Variants in FKBP15 observed in about 807,000 individuals in gnomAD.
The protein encoded by FKBP15 is FK506-binding protein 15.
Under a neutral mutation model 158.1 loss-of-function variants are expected in FKBP15, and 106 were observed. That is an observed-to-expected ratio of 0.67 (90% CI 0.57 to 0.79). The LOEUF is 0.79. FKBP15 is among the 30% of genes least tolerant of loss of function. The probability of loss-of-function intolerance (pLI) is 0.00; values close to 1 mark genes in which losing one functional copy is unlikely to be tolerated. For missense variants in FKBP15, 1,287 were observed against 1,479.1 expected (o/e 0.87, Z 2.13); for synonymous variants, 547 against 548.6 (o/e 1.00, Z 0.04).
intron 23 of FKBP15, among the ~76,000 whole-genome samples, chr9:113,172,716 C>T (rs370341649): frequency 3.3e-5 from 5 of 152,202 alleles, no homozygotes; most frequent in Non-Finnish European, 7.3e-5. Context: ...TAGGTAATAA[C>T]TAGTCATTTA....
chr9:113,199,802 G>C lies in FKBP15; in HGVS notation c.648+12C>G, dbSNP rs1408879751. 6.2e-7 allele frequency: 1 copy of C among 1,608,398 alleles called. No individual in the cohort carries two copies. The highest frequency in any genetic ancestry group is 8.5e-7 in the Non-Finnish European group (1 of 1,177,390). ...AAGTTTACAAAAGAACTTGCAGGGT[G>C]CATTTTCTTACCTGGCCCAGCACAT... On this transcript the variant is annotated intron_variant, in intron 7 of 27. Transcript: ENST00000238256.
intron 2 of FKBP15, among the ~76,000 whole-genome samples, chr9:113,208,079 C>T (rs78786847): frequency 0.33 from 50,681 of 152,098 alleles, 8,699 homozygotes; most frequent in African/African-American, 0.38. Context: ...CGCAGTGGCT[C>T]GTGCCTGTAA....
chr9:113,221,231 C>T lies in FKBP15; in HGVS notation c.13G>A (p.Gly5Arg), dbSNP rs1364812936. The change falls in exon 1 of 28, where the codon GGG becomes AGG. Residue 5 changes from glycine to arginine, a missense_variant. Transcript: ENST00000238256. MFGA[G>R]DEDDTDFLSP... ...AGGAAATCGGTGTCGTCCTCGTCCC[C>T]CGCACCGAACATTGCGTTGGCTTTC... is the stretch of plus-strand genomic sequence containing the variant. The T allele has an allele frequency of 1.2e-6, 2 of 1,608,470 alleles. No homozygotes were observed. Among genetic ancestry groups the T allele is most frequent in the East Asian group, 4.5e-5 (2 of 44,594 alleles).
intron 1 of FKBP15, among the ~76,000 whole-genome samples, chr9:113,218,332 C>T (rs1261966398): frequency 2.1e-5 from 3 of 145,746 alleles, no homozygotes; most frequent in Non-Finnish European, 4.5e-5. Flanking sequence ...ATTTGTAAAA[C>T]GGATATAATA....
At position 113,184,886 on chromosome 9, in the gene FKBP15, T is replaced by A; in HGVS notation, c.1499-82A>T. The A allele has an allele frequency of 9.2e-7, 1 of 1,082,200 alleles. No individual in the cohort carries two copies. Among genetic ancestry groups the A allele is most frequent in the Non-Finnish European group, 1.3e-6 (1 of 741,222 alleles). 67.0% of individuals were successfully genotyped at this position (1,082,200 alleles called of 1,614,324 possible). On this transcript the variant is annotated intron_variant, in intron 15 of 27. Coordinates refer to ENST00000238256, the MANE Select transcript of FKBP15 (RefSeq NM_015258.2). This position sits in a 1 kb window ranked among gnomAD's most constrained non-coding sequence, Gnocchi z 4.5. ...GAAGAAAAGCTAGTAGCTCTTCCAG[T>A]AAAGAAAGAAATTAATACTTCCATA...
In FKBP15 at chr9:113,176,582, C is replaced by G. The variant is rs1564155551; in HGVS notation, c.2178G>C (p.Glu726Asp). The G allele has an allele frequency of 6.4e-7, 1 of 1,572,250 alleles. No individual in the cohort carries two copies. The highest frequency in any genetic ancestry group is 8.6e-7 in the Non-Finnish European group (1 of 1,156,232). ...KQLELKVTSL[E>D]EELTDLRVEK... ...CAACTCGAAGGTCAGTCAGTTCCTC[C>G]TCCAGGGATGTCACCTTGAGTTCCA... Residue 726 changes from glutamate to aspartate, a missense_variant, in exon 21 of 28, where the codon GAG becomes GAC. By Grantham distance (45) the Glu-to-Asp change is conservative. Coordinates refer to ENST00000238256, the MANE Select transcript of FKBP15 (RefSeq NM_015258.2).
In FKBP15 at chr9:113,162,680, G is replaced by A; in HGVS notation, c.*3398C>T. The A allele has an allele frequency of 1.4e-6, 2 of 1,430,476 alleles. No individual in the cohort carries two copies. Among genetic ancestry groups the A allele is most frequent in the East Asian group, 4.7e-5 (2 of 42,888 alleles). The allele number at this position is 1,430,476 out of a possible 1,614,324, so 88.6% of individuals were successfully genotyped here. ...GTAACTCAACAGCTTTCTACTCCCT[G>A]ATATCTACTCCCAGCTTCCTCATTA... On this transcript the variant is annotated 3_prime_UTR_variant, in exon 28 of 28. Transcript: ENST00000238256.
Position 113,163,177 on chromosome 9 carries a change from A to C in FKBP15, c.*2901T>G. The C allele has an allele frequency of 3.3e-6, 1 of 304,304 alleles. No individual in the cohort carries two copies. Among genetic ancestry groups the C allele is most frequent in the East Asian group, 5.7e-5 (1 of 17,646 alleles). The allele number at this position is 304,304 out of a possible 1,614,324, so 18.9% of individuals were successfully genotyped here. A position where few individuals can be genotyped will look rare whatever the true frequency, so the allele number is the denominator to read the frequency against. On this transcript the variant is annotated 3_prime_UTR_variant, in exon 28 of 28. Coordinates refer to ENST00000238256, the MANE Select transcript of FKBP15 (RefSeq NM_015258.2). ...TGCTGTGACCAAAGGGAGAATGGAG[A>C]TAACAGGGGTGGCAGGGTTACTGAG...
rs1830342698 is a variant in FKBP15, at chr9:113,178,779, G to A, written c.1937C>T (p.Ala646Val). The change falls in exon 20 of 28, where the codon GCA becomes GTA. Residue 646 changes from alanine to valine, a missense_variant. Coordinates refer to ENST00000238256, the MANE Select transcript of FKBP15 (RefSeq NM_015258.2). ...QEKAKVTEEL[A>V]AATAQVSHLQ... is the part of the protein sequence containing the mutation. ...ATGAGAGACCTGTGCAGTGGCCGCT[G>A]CTAACTCCTCTGTCACCTTGGCCTG... The A allele has an allele frequency of 6.2e-7, 1 of 1,608,232 alleles. No homozygotes were observed. The highest frequency in any genetic ancestry group is 1.7e-4 in the Middle Eastern group (1 of 6,056).
chr9:113,202,500 G>A, intron 6 of FKBP15, 31 bp downstream of exon 6: 1 of 1,472,984 alleles, frequency 6.8e-7, no homozygotes, highest in Non-Finnish European at 9.3e-7. Flanking sequence ...AAGTATTTTG[G>A]CTTTTCACAG....
chr9:113,201,706 C>T (rs748941534), intron 6 of FKBP15, among the ~76,000 whole-genome samples: 9 of 152,166 alleles, frequency 5.9e-5, no homozygotes, highest in Non-Finnish European at 8.8e-5. Context: ...CTTTCAGCCT[C>T]GAGAACCGTG....
intron 1 of FKBP15, among the ~76,000 whole-genome samples, chr9:113,219,037 T>G (rs1261441180): frequency 6.6e-6 from 1 of 152,190 alleles, no homozygotes; most frequent in East Asian, 1.9e-4. Flanking sequence ...AAAATAAAAG[T>G]TTCTTAGGGG....
intron 9 of FKBP15, among the ~76,000 whole-genome samples, chr9:113,195,543 A>T (rs1037898740): frequency 6.6e-6 from 1 of 152,220 alleles, no homozygotes; most frequent in Non-Finnish European, 1.5e-5. Flanking sequence ...AGAGTGGCCC[A>T]GCAGGATGAG....
intron 27 of FKBP15, 61 bp from the exon 28 acceptor site, chr9:113,166,216 C>A: frequency 7.0e-7 from 1 of 1,438,216 alleles, no homozygotes. Flanking sequence ...GACTTTCCAC[C>A]TGTGAGTGGA....
chr9:113,213,815 T>G (rs1437212412), intron 1 of FKBP15, among the ~76,000 whole-genome samples: 2 of 152,198 alleles, frequency 1.3e-5, no homozygotes, highest in African/African-American at 4.8e-5. Context: ...CTTTTCTTTA[T>G]CACACTTTAG....
At chr9:113,197,376 G>A (rs1013154928) in intron 8 of FKBP15, among the ~76,000 whole-genome samples, 2 of 152,014 alleles carry the variant, frequency 1.3e-5, no homozygotes, top group African/African-American at 4.8e-5. Context: ...TCATTAAAAA[G>A]CATGTTTTTG....
At position 113,165,181 on chromosome 9, in the gene FKBP15, A is replaced by G. The variant is rs1243981167; in HGVS notation, c.*897T>C. ...TCTAAGGGAATGGAAGCTGCTCTCA[A>G]AGTGAAGAATCCCTCAGGTGCCATG... On this transcript the variant is annotated 3_prime_UTR_variant, in exon 28 of 28. Transcript: ENST00000238256. 1 of 152,132 alleles carries G rather than the reference A, an allele frequency of 6.6e-6. No individual in the cohort carries two copies. The highest frequency in any genetic ancestry group is 1.5e-5 in the Non-Finnish European group (1 of 68,022). 9.4% of individuals were successfully genotyped at this position (152,132 alleles called of 1,614,324 possible). A position where few individuals can be genotyped will look rare whatever the true frequency, so the allele number is the denominator to read the frequency against.
Position 113,161,569 on chromosome 9 carries a change from T to C in FKBP15, c.*4509A>G, listed in dbSNP as rs1032336873. The C allele has an allele frequency of 9.9e-6, 16 of 1,613,772 alleles. No individual in the cohort carries two copies. The highest frequency in any genetic ancestry group is 6.6e-5 in the South Asian group (6 of 91,072). The stretch of plus-strand genomic sequence containing the variant: ...GCTGTACTGTATGAAGGCATCAAGG[T>C]TGGCAAAGCCAAGCTGCTCAACCAG... On this transcript the variant is annotated 3_prime_UTR_variant, in exon 28 of 28. Coordinates refer to ENST00000238256, the MANE Select transcript of FKBP15 (RefSeq NM_015258.2).
intron 24 of FKBP15, 58 bp downstream of exon 24, chr9:113,171,523 T>C: frequency 3.8e-6 from 6 of 1,574,394 alleles, no homozygotes; most frequent in East Asian, 4.6e-5. Flanking sequence ...ATACTGGCCA[T>C]GTTCTTTCTG....
Sources: gnomAD v4.1 joint callset for allele counts (sites outside exome capture counted in the v4.1 genomes callset) on GRCh38, gnomAD v4.1.1 for gene constraint, Gnocchi (gnomAD v3.1) non-coding constraint, MANE v1.5 for transcripts, NCBI Gene and HGNC (gene_info 2026-07-23, HGNC 2026-07-21) for gene names.